Variants in ARHGAP40 observed in about 807,000 individuals in gnomAD.
ARHGAP40 encodes rho GTPase-activating protein 40.
In ARHGAP40, 43 loss-of-function variants were observed where a neutral mutation model predicts 73.5. The observed-to-expected ratio is 0.58, with a 90% CI of 0.46 to 0.75. The LOEUF is 0.75. ARHGAP40 is among the 30% of genes least tolerant of loss of function. ARHGAP40 has a pLI of 0.00. For missense variants in ARHGAP40, 734 were observed against 861.8 expected, an observed-to-expected ratio of 0.85 and a Z score of 1.86; for synonymous variants, 300 against 352.8, an observed-to-expected ratio of 0.85 and a Z score of 1.68.
At chr20:38,602,931 G>C (rs1017148025) in intron 1 of ARHGAP40, among the ~76,000 whole-genome samples, 2 of 152,154 alleles carry the variant, frequency 1.3e-5, no homozygotes, top group African/African-American at 4.8e-5. Context: ...CATTTAGGTT[G>C]GTTCCAATTT....
At chr20:38,633,306 C>A (rs539307753) in intron 5 of ARHGAP40, among the ~76,000 whole-genome samples, 1 of 152,166 alleles carries the variant, frequency 6.6e-6, no homozygotes, top group African/African-American at 2.4e-5. Context: ...ATGCTAAAGA[C>A]ATCACATATT....
At chr20:38,639,525 A>G in intron 9 of ARHGAP40, 139 bp downstream of exon 9, 1 of 1,040,750 alleles carries the variant, frequency 9.6e-7, no homozygotes, top group Non-Finnish European at 1.3e-6. Context: ...TGATGGGGGA[A>G]GAAGCAAGTG....
Position 38,639,577 on chromosome 20 carries a change from C to T in ARHGAP40, c.1279+191C>T, listed in dbSNP as rs149056774. Among the ~76,000 whole-genome samples, 323 of 152,330 alleles carry T rather than the reference C, an allele frequency of 2.1e-3. 2 individuals are homozygous for T. The highest frequency in any genetic ancestry group is 7.3e-3 in the African/African-American group (304 of 41,572). On this transcript the variant is annotated intron_variant, in intron 9 of 14. Transcript: ENST00000373345. ...ATGTGTGCACATACACATGTGCACG[C>T]GTGTCCTGCGTGTGTTGTATGGCAT...
At chr20:38,627,537 G>GGT (rs2088907966) in intron 3 of ARHGAP40, among the ~76,000 whole-genome samples, 1 of 90,950 alleles carries the variant, frequency 1.1e-5, no homozygotes, top group Non-Finnish European at 2.7e-5. Context: ...GGGTATGTGT[G>GGT]TGTGTGTTGG....
At chr20:38,630,080 CTTTTTCTTTCTTTCTTTCTTTG>C (rs2088928352) in intron 5 of ARHGAP40, among the ~76,000 whole-genome samples, 2 of 74,694 alleles carry the variant, frequency 2.7e-5, no homozygotes, top group South Asian at 1.1e-3. Context: ...TTCTTTCTTT[CTTTTTCTTTCTTTCTTTCTTTG>C]TTTTTCTTTT....
chr20:38,602,425 A>C (rs543586522), intron 1 of ARHGAP40, among the ~76,000 whole-genome samples: 1 of 152,092 alleles, frequency 6.6e-6, no homozygotes, highest in Admixed American at 6.5e-5. Context: ...TAGGGGGCCC[A>C]GGGGCTCAAG....
At chr20:38,644,006 T>C in intron 11 of ARHGAP40, 96 bp downstream of exon 11, 1 of 1,121,558 alleles carries the variant, frequency 8.9e-7, no homozygotes, top group Non-Finnish European at 1.2e-6. Flanking sequence ...AGTTCCCTAG[T>C]GTGTCCCTTC....
chr20:38,629,681 T>G, intron 5 of ARHGAP40, 31 bp downstream of exon 5: 1 of 1,302,466 alleles, frequency 7.7e-7, no homozygotes, highest in Admixed American at 2.3e-5. Flanking sequence ...GCTGGTTGGC[T>G]AGGTCCCCCT....
In ARHGAP40 at chr20:38,623,460, C is replaced by T. The variant is rs1264062371; in HGVS notation, c.239C>T (p.Ser80Phe). The T allele has an allele frequency of 2.3e-6, 3 of 1,290,892 alleles. No individual in the cohort carries two copies. The highest frequency in any genetic ancestry group is 3.0e-6 in the Non-Finnish European group (3 of 988,864). 80.0% of individuals were successfully genotyped at this position (1,290,892 alleles called of 1,614,324 possible). The change falls in exon 2 of 15, where the codon TCC (serine) becomes TTC (phenylalanine). Residue 80 changes from serine (S) to phenylalanine (F), a missense_variant. Transcript: ENST00000373345. ...GGCTGTTCCACTGGAGTGGAGAGCT[C>T]CAGCATGGATGGCTTTTGGATGGAG... is the stretch of plus-strand genomic sequence containing the variant.
chr20:38,619,127 A>C (rs942247983), intron 1 of ARHGAP40, among the ~76,000 whole-genome samples: 2 of 152,174 alleles, frequency 1.3e-5, no homozygotes, highest in African/African-American at 2.4e-5. Context: ...AAGTGACTTT[A>C]AGTCTGAGAC....
intron 3 of ARHGAP40, 85 bp downstream of exon 3, chr20:38,627,300 C>G: frequency 2.5e-6 from 3 of 1,188,672 alleles, no homozygotes; most frequent in Non-Finnish European, 3.3e-6. Context: ...AGTGATCCTG[C>G]TGAAGGGCTG....
At chr20:38,643,586 C>A in intron 10 of ARHGAP40, 118 bp from the exon 11 acceptor site, 1 of 814,144 alleles carries the variant, frequency 1.2e-6, no homozygotes, top group Non-Finnish European at 1.8e-6. Flanking sequence ...TCTTGCTGCC[C>A]TCCCAGCTCC....
intron 1 of ARHGAP40, chr20:38,615,058 G>A: frequency 1.1e-6 from 1 of 936,332 alleles, no homozygotes; most frequent in Non-Finnish European, 1.8e-6. Flanking sequence ...GCCTCCTGTT[G>A]CCTCACAAAG....
chr20:38,642,305 G>A (rs990332439), intron 10 of ARHGAP40, among the ~76,000 whole-genome samples: 5 of 152,166 alleles, frequency 3.3e-5, no homozygotes, highest in African/African-American at 7.2e-5. Flanking sequence ...TCTCCTTGTC[G>A]TATGGGAATG....
Position 38,628,405 on chromosome 20 carries a change from C to T in ARHGAP40, c.559-522C>T, listed in dbSNP as rs144182609. Among the ~76,000 whole-genome samples, 591 of 151,994 alleles carry T rather than the reference C, an allele frequency of 3.9e-3. 3 individuals carry two copies. Among genetic ancestry groups the T allele is most frequent in the African/African-American group, 0.014 (561 of 41,434 alleles). On this transcript the variant is annotated intron_variant, in intron 3 of 14. Coordinates refer to ENST00000373345, the Ensembl canonical transcript of ARHGAP40. ...CTGCAAGCTCCGCCTCCCGGGTTCA[C>T]GCCGTTCTCCTGCCTCAGCCTGCCG...
At chr20:38,604,181 C>T (rs561991474) in intron 1 of ARHGAP40, among the ~76,000 whole-genome samples, 3 of 152,260 alleles carry the variant, frequency 2.0e-5, no homozygotes, top group Admixed American at 6.5e-5. Flanking sequence ...CCCCTGACTC[C>T]ACCACCACCC....
chr20:38,647,495 A>AT (rs1425728860), intron 13 of ARHGAP40, among the ~76,000 whole-genome samples: 2 of 151,974 alleles, frequency 1.3e-5, no homozygotes, highest in Non-Finnish European at 2.9e-5. Flanking sequence ...GGTTCAAGCG[A>AT]TTTTCCTGCC....
chr20:38,621,940 A>T (rs2088875836), intron 1 of ARHGAP40, among the ~76,000 whole-genome samples: 1 of 152,116 alleles, frequency 6.6e-6, no homozygotes, highest in Admixed American at 6.5e-5. Context: ...CTGTAGTCCC[A>T]GCTACTCAGG....
In ARHGAP40 at chr20:38,637,927, A is replaced by G. The variant is rs2088987365; in HGVS notation, c.1041+128A>G. 1.7e-5 allele frequency: 11 copies of G among 655,116 alleles called. No homozygotes were observed. The South Asian group carries it at 2.2e-4, about 13-fold the overall frequency. 40.6% of individuals were successfully genotyped at this position (655,116 alleles called of 1,614,324 possible). A position where few individuals can be genotyped will look rare whatever the true frequency, so the allele number is the denominator to read the frequency against. On this transcript the variant is annotated intron_variant, in intron 7 of 14. Transcript: ENST00000373345. ...TTAGAATCAGGCAGACTTGGGTTCA[A>G]ATTCTGGCTCTGGCACTTGCTGGCT...
Sources: allele counts gnomAD v4.1 joint callset (sites outside exome capture counted in the v4.1 genomes callset), GRCh38; gene constraint gnomAD v4.1.1; transcripts MANE v1.5; gene names NCBI Gene and HGNC (gene_info 2026-07-23, HGNC 2026-07-21).